The following SLIT2 variants were observed in gnomAD, a reference collection of about 807,000 sequenced individuals.
The protein encoded by SLIT2 is slit homolog 2 protein.
SLIT2 carries 41 observed loss-of-function variants against 185.7 expected under a neutral mutation model. That is an observed-to-expected ratio of 0.22 (90% CI 0.17 to 0.29). The LOEUF (loss-of-function observed/expected upper bound fraction) is 0.29. Among genes scored for constraint, SLIT2 ranks in the 10% least tolerant of loss-of-function variants. The pLI is 1.00. For synonymous variants in SLIT2, 693 were observed against 680.2 expected, an observed-to-expected ratio of 1.02 and a Z score of -0.29; for missense variants, 1,571 against 1,909.0, an observed-to-expected ratio of 0.82 and a Z score of 3.30.
rs559564834 is a variant in SLIT2, at chr4:20,372,866, G to A, written c.396-94886G>A. On this transcript the variant is annotated intron_variant, in intron 4 of 36. Coordinates refer to ENST00000504154, the MANE Select transcript of SLIT2 (RefSeq NM_004787.4). Reference sequence around the variant, plus strand: ...TTTTACACACCATTTTTTGTTGTAAGTATGTTTACAAATGAATAAATGTCA... The same window carrying A: ...TTTTACACACCATTTTTTGTTGTAAATATGTTTACAAATGAATAAATGTCA... Among the ~76,000 whole-genome samples the A allele has an allele frequency of 5.7e-4, 87 of 152,116 alleles. No homozygotes were observed. The South Asian group carries it at 0.015, about 25-fold the overall frequency.
intron 4 of SLIT2, chr4:20,394,730 C>G (rs1019712337): frequency 6.6e-6 from 1 of 152,060 alleles, no homozygotes; most frequent in East Asian, 1.9e-4. Context: ...GATAATTCTG[C>G]CAGAAGGCAT....
At position 20,551,185 on chromosome 4, in the gene SLIT2, A is replaced by G. The variant is rs959645123; in HGVS notation, c.2561+287A>G. 2.0e-5 allele frequency among the ~76,000 whole-genome samples: 3 copies of G among 152,222 alleles called. 1 individual carries two copies. The highest frequency in any genetic ancestry group is 1.3e-4 in the Admixed American group (2 of 15,284). ...TTTACTAGCCTATGCTTTTTCTCTC[A>G]TTATTATCTGATTCTAGAACATCAG... On this transcript the variant is annotated intron_variant, in intron 25 of 36. Coordinates refer to ENST00000504154, the MANE Select transcript of SLIT2 (RefSeq NM_004787.4).
chr4:20,511,599 T>A (rs867082133), intron 11 of SLIT2, among the ~76,000 whole-genome samples: 5 of 142,158 alleles, frequency 3.5e-5, no homozygotes, highest in South Asian at 2.3e-4. Context: ...TTTTTTTTTT[T>A]TTTTATTTTT....
chr4:20,376,659 ACT>A (rs1577531288), intron 4 of SLIT2, among the ~76,000 whole-genome samples: 1 of 152,096 alleles, frequency 6.6e-6, no homozygotes, highest in East Asian at 1.9e-4. Context: ...TCGACTATAA[ACT>A]CTGTAAGAAG....
Position 20,533,446 on chromosome 4 carries a change from C to T in SLIT2, c.1689-126C>T, listed in dbSNP as rs961567980. The T allele has an allele frequency of 2.3e-5, 15 of 658,428 alleles. No individual in the cohort carries two copies. In the East Asian group the frequency reaches 2.4e-4, roughly 11 times the overall value. 40.8% of individuals were successfully genotyped at this position (658,428 alleles called of 1,614,324 possible). A position where few individuals can be genotyped will look rare whatever the true frequency, so the allele number is the denominator to read the frequency against. On this transcript the variant is annotated intron_variant, in intron 17 of 36. Transcript: ENST00000504154. ...GTAAGGAAGTGGAATCTTTTCAGAG[C>T]CCTGGCAGTGCTGGGCAGTGAAAAG...
At chr4:20,409,928 TGTAA>T (rs1267105589) in intron 4 of SLIT2, among the ~76,000 whole-genome samples, 1 of 152,220 alleles carries the variant, frequency 6.6e-6, no homozygotes, top group Non-Finnish European at 1.5e-5. Flanking sequence ...GTTTTACTCT[TGTAA>T]GTTTTTTTAA....
chr4:20,470,936 T>A (rs1398795159), intron 5 of SLIT2, among the ~76,000 whole-genome samples: 1 of 152,084 alleles, frequency 6.6e-6, no homozygotes, highest in African/African-American at 2.4e-5. Context: ...GATCTGAATA[T>A]GGGGGGAGCT....
chr4:20,295,226 T>G (rs1484916185), intron 4 of SLIT2, among the ~76,000 whole-genome samples: 1 of 152,192 alleles, frequency 6.6e-6, no homozygotes, highest in Non-Finnish European at 1.5e-5. Flanking sequence ...AAATAATTAC[T>G]TATAAAATAG....
chr4:20,620,404 G>A lies in SLIT2; in HGVS notation c.*1395G>A. On this transcript the variant is annotated 3_prime_UTR_variant, in exon 37 of 37. Transcript: ENST00000504154. ...TGCTCTTCCCTCATTAAAATCCCAG[G>A]GTGCCCTGTAAAGATGCAGATGTTT... is the stretch of plus-strand genomic sequence containing the variant. 1 of 455,076 alleles carries A rather than the reference G, an allele frequency of 2.2e-6. No individual in the cohort carries two copies. The highest frequency in any genetic ancestry group is 3.3e-4 in the Middle Eastern group (1 of 3,062). 28.2% of individuals were successfully genotyped at this position (455,076 alleles called of 1,614,324 possible).
intron 29 of SLIT2, among the ~76,000 whole-genome samples, chr4:20,572,538 C>G (rs969951142): frequency 6.6e-6 from 1 of 151,988 alleles, no homozygotes; most frequent in African/African-American, 2.4e-5. Context: ...CCAAGGAATT[C>G]CTGAAATAAC....
At chr4:20,567,115 T>G in intron 26 of SLIT2, 147 bp from the exon 27 acceptor site, 1 of 732,504 alleles carries the variant, frequency 1.4e-6, no homozygotes, top group East Asian at 2.6e-5. Flanking sequence ...AGGATGCTGA[T>G]TTCTGGCTTG....
chr4:20,383,689 A>G (rs1724713782), intron 4 of SLIT2, among the ~76,000 whole-genome samples: 2 of 152,058 alleles, frequency 1.3e-5, no homozygotes, highest in African/African-American at 4.8e-5. Context: ...TATACTTCCT[A>G]TATGACCAGT....
At chr4:20,423,768 A>C (rs1728344911) in intron 4 of SLIT2, among the ~76,000 whole-genome samples, 2 of 152,182 alleles carry the variant, frequency 1.3e-5, no homozygotes, top group Admixed American at 1.3e-4. Flanking sequence ...TTATATGTTA[A>C]AATTATCTTT....
Position 20,523,996 on chromosome 4 carries a change from C to G in SLIT2, c.1275-18C>G. 1 of 1,613,924 alleles carries G rather than the reference C, an allele frequency of 6.2e-7. No individual in the cohort carries two copies. Among genetic ancestry groups the G allele is most frequent in the Non-Finnish European group, 8.5e-7 (1 of 1,179,824 alleles). The stretch of plus-strand genomic sequence containing the variant: ...ATTGCAAGTCATCTATAAAACTGTT[C>G]TGTATGTGTTTCCAAAGGCATTTGG... On this transcript the variant is annotated intron_variant, in intron 13 of 36. Transcript: ENST00000504154.
At chr4:20,304,944 C>T (rs961928027) in intron 4 of SLIT2, among the ~76,000 whole-genome samples, 3 of 152,146 alleles carry the variant, frequency 2.0e-5, no homozygotes, top group African/African-American at 7.2e-5. Flanking sequence ...AGGTTAATTA[C>T]TTGGTGGATT....
intron 4 of SLIT2, among the ~76,000 whole-genome samples, chr4:20,441,051 C>G (rs531131375): frequency 1.4e-5 from 2 of 145,590 alleles, no homozygotes; most frequent in African/African-American, 2.5e-5. Flanking sequence ...TGAAAATGAC[C>G]GAAGCCTCCA....
At chr4:20,380,544 G>A (rs762869248) in intron 4 of SLIT2, among the ~76,000 whole-genome samples, 1 of 152,058 alleles carries the variant, frequency 6.6e-6, no homozygotes, top group Non-Finnish European at 1.5e-5. Flanking sequence ...GTAGGACATG[G>A]AGGAAAACAT....
intron 20 of SLIT2, among the ~76,000 whole-genome samples, chr4:20,541,869 T>C (rs1722825857): frequency 6.7e-6 from 1 of 149,718 alleles, no homozygotes; most frequent in Admixed American, 6.7e-5. Context: ...TGGTCTTACT[T>C]ATATAGCTTC....
intron 9 of SLIT2, among the ~76,000 whole-genome samples, chr4:20,506,476 G>T (rs909523090): frequency 1.3e-5 from 2 of 151,886 alleles, no homozygotes; most frequent in Non-Finnish European, 2.9e-5. Context: ...CAGATTACAG[G>T]ACAGCAATGC....
Sources: gnomAD v4.1 joint callset for allele counts (sites outside exome capture counted in the v4.1 genomes callset) on GRCh38, gnomAD v4.1.1 for gene constraint, MANE v1.5 for transcripts, NCBI Gene and HGNC (gene_info 2026-07-23, HGNC 2026-07-21) for gene names.